The following PRKG1 variants were observed in gnomAD, a reference collection of about 807,000 sequenced individuals.
PRKG1 encodes the protein protein kinase cGMP-dependent 1, also known as cGMP-dependent protein kinase 1.
A neutral mutation model predicts 88.1 loss-of-function variants in PRKG1; 35 were observed. The observed-to-expected ratio is 0.40, with a 90% CI of 0.30 to 0.53. The LOEUF (loss-of-function observed/expected upper bound fraction) is 0.53, where lower values mean the gene tolerates loss of function less well. Among genes scored for constraint, PRKG1 ranks in the 20% least tolerant of loss-of-function variants. PRKG1 has a pLI of 0.59. For missense variants in PRKG1, 540 were observed against 839.8 expected (o/e 0.64, Z 4.41); for synonymous variants, 303 against 292.5 (o/e 1.04, Z -0.37).
At chr10:51,018,963 C>A (rs1843101428) in intron 1 of PRKG1, among the ~76,000 whole-genome samples, 1 of 152,146 alleles carries the variant, frequency 6.6e-6, no homozygotes, top group Admixed American at 6.5e-5. Context: ...GGACAAGACA[C>A]TTTTAAATAA....
intron 5 of PRKG1, among the ~76,000 whole-genome samples, chr10:52,014,537 G>T (rs1844985646): frequency 1.3e-5 from 2 of 152,080 alleles, no homozygotes; most frequent in African/African-American, 4.8e-5. Context: ...TTCTGCCCCT[G>T]GTCCCTCACA....
At chr10:52,256,853 C>T (rs1841320120) in intron 10 of PRKG1, among the ~76,000 whole-genome samples, 1 of 139,190 alleles carries the variant, frequency 7.2e-6, no homozygotes, top group South Asian at 2.3e-4. Flanking sequence ...ACTTTCTGAT[C>T]TGTCATGAGA....
chr10:51,440,586 C>A (rs992160732), intron 2 of PRKG1, among the ~76,000 whole-genome samples: 1 of 151,858 alleles, frequency 6.6e-6, no homozygotes, highest in African/African-American at 2.4e-5. Context: ...GGAAATATAT[C>A]AAAATTCAAT....
chr10:52,002,034 A>C (rs568696940), intron 5 of PRKG1, among the ~76,000 whole-genome samples: 97 of 152,204 alleles, frequency 6.4e-4, no homozygotes, highest in African/African-American at 2.2e-3. Flanking sequence ...GCTAATAACT[A>C]TCAGTGAGAT....
At chr10:51,419,455 T>C (rs1173716363) in intron 2 of PRKG1, among the ~76,000 whole-genome samples, 1 of 152,148 alleles carries the variant, frequency 6.6e-6, no homozygotes, top group Non-Finnish European at 1.5e-5. Context: ...CATTTCAACA[T>C]TTATTGACTG....
chr10:51,223,976 A>G (rs2132096126), intron 2 of PRKG1, among the ~76,000 whole-genome samples: 1 of 152,268 alleles, frequency 6.6e-6, no homozygotes, highest in Admixed American at 6.5e-5. Context: ...GGTTTTTATA[A>G]TTCTCTTCTA....
chr10:52,110,879 A>G (rs1017887580), intron 7 of PRKG1, among the ~76,000 whole-genome samples: 1 of 152,112 alleles, frequency 6.6e-6, no homozygotes, highest in African/African-American at 2.4e-5. Flanking sequence ...CCTCTTAGGA[A>G]GGGTAAATTA....
intron 5 of PRKG1, among the ~76,000 whole-genome samples, chr10:52,004,484 C>A (rs1228959833): frequency 6.6e-6 from 1 of 152,144 alleles, no homozygotes; most frequent in African/African-American, 2.4e-5. Context: ...CTGAATCTAT[C>A]CTCCCAGAGC....
intron 2 of PRKG1, among the ~76,000 whole-genome samples, chr10:51,237,380 A>G (rs926505321): frequency 2.6e-5 from 4 of 152,166 alleles, no homozygotes; most frequent in Non-Finnish European, 5.9e-5. Flanking sequence ...ACACACAGAG[A>G]TTTGCTGGGA....
chr10:52,156,383 A>G (rs1235371894), intron 8 of PRKG1, among the ~76,000 whole-genome samples: 1 of 151,900 alleles, frequency 6.6e-6, no homozygotes, highest in East Asian at 1.9e-4. Context: ...TATCTGTAAT[A>G]TAAGGCTCTA....
intron 2 of PRKG1, among the ~76,000 whole-genome samples, chr10:51,442,545 G>A (rs577571814): frequency 6.6e-6 from 1 of 152,120 alleles, no homozygotes; most frequent in South Asian, 2.1e-4. Context: ...TAAGATGAGT[G>A]AAGAAGAGTG....
At chr10:52,274,609 T>C (rs1195612540) in intron 12 of PRKG1, among the ~76,000 whole-genome samples, 1 of 151,918 alleles carries the variant, frequency 6.6e-6, no homozygotes, top group African/African-American at 2.4e-5. Context: ...ATTCATTGAT[T>C]GATGGGCATT....
At chr10:51,104,863 G>A (rs904912014) in intron 1 of PRKG1, among the ~76,000 whole-genome samples, 1 of 152,008 alleles carries the variant, frequency 6.6e-6, no homozygotes, top group Admixed American at 6.6e-5. Context: ...CCAAGTAGCT[G>A]GGATTACAGG....
intron 3 of PRKG1, among the ~76,000 whole-genome samples, chr10:51,647,384 T>C (rs1184208779): frequency 6.6e-6 from 1 of 152,212 alleles, no homozygotes; most frequent in Admixed American, 6.5e-5. Context: ...AATTCAGTAT[T>C]TGAACTTGCC....
At chr10:51,770,716 G>A (rs997231052) in intron 3 of PRKG1, among the ~76,000 whole-genome samples, 1 of 152,162 alleles carries the variant, frequency 6.6e-6, no homozygotes, top group Non-Finnish European at 1.5e-5. Flanking sequence ...AATGCCTGAT[G>A]ATCTGAGGTG....
Position 51,020,336 on chromosome 10 carries a change from C to G in PRKG1, c.266+28692C>G, listed in dbSNP as rs77248368. Among the ~76,000 whole-genome samples the G allele has an allele frequency of 1.6e-3, 240 of 152,086 alleles. 1 individual carries two copies. Among genetic ancestry groups the G allele is most frequent in the African/African-American group, 5.7e-3 (237 of 41,492 alleles). On this transcript the variant is annotated intron_variant, in intron 1 of 17. Coordinates refer to the PRKG1 transcript ENST00000401604. Reference sequence around the variant, plus strand: ...AATTTTATTCTCTGGGATATATTCCCCAAAGAATTGAAAACAGAGTCTCTA... The same window carrying G: ...AATTTTATTCTCTGGGATATATTCCGCAAAGAATTGAAAACAGAGTCTCTA...
chr10:51,051,565 A>T (rs779964367), intron 1 of PRKG1, among the ~76,000 whole-genome samples: 1 of 152,108 alleles, frequency 6.6e-6, no homozygotes, highest in African/African-American at 2.4e-5. Context: ...GACTTCTCCA[A>T]AGTAATTCCT....
intron 3 of PRKG1, among the ~76,000 whole-genome samples, chr10:51,623,232 G>A (rs1564577531): frequency 1.3e-5 from 2 of 152,134 alleles, no homozygotes; most frequent in Non-Finnish European, 1.5e-5. Context: ...ACAGGGTTTT[G>A]CTCTGTTGCC....
intron 2 of PRKG1, among the ~76,000 whole-genome samples, chr10:51,221,223 T>C (rs932678612): frequency 6.6e-6 from 1 of 152,084 alleles, no homozygotes; most frequent in Non-Finnish European, 1.5e-5. Flanking sequence ...TCTTTACTAA[T>C]TGATGCTTTG....
Sources: allele counts gnomAD v4.1 joint callset (sites outside exome capture counted in the v4.1 genomes callset), GRCh38; gene constraint gnomAD v4.1.1; transcripts MANE v1.5; gene names NCBI Gene and HGNC (gene_info 2026-07-23, HGNC 2026-07-21).